Variants in KIF1A observed in about 807,000 individuals in gnomAD.
The protein encoded by KIF1A is kinesin-like protein KIF1A.
KIF1A carries 46 observed loss-of-function variants against 227.3 expected under a neutral mutation model. The observed-to-expected ratio is 0.20, with a 90% CI of 0.16 to 0.26. The LOEUF is 0.26. KIF1A is among the 10% of genes least tolerant of loss of function. The pLI is 1.00. For synonymous variants in KIF1A, 1,022 were observed against 1,012.8 expected (o/e 1.01, Z -0.17); for missense variants, 1,683 against 2,485.9 (o/e 0.68, Z 6.87).
intron 16 of KIF1A, 143 bp downstream of exon 16, chr2:240,769,484 C>A: frequency 1.4e-6 from 1 of 690,864 alleles, no homozygotes; most frequent in East Asian, 2.7e-5. Flanking sequence ...GATGAGGGAA[C>A]AGGTTTGCCC....
Position 240,790,934 on chromosome 2 carries a change from T to C in KIF1A, c.107-1622A>G, listed in dbSNP as rs576706456. Among the ~76,000 whole-genome samples the C allele has an allele frequency of 1.3e-5, 2 of 152,224 alleles. No homozygotes were observed. The highest frequency in any genetic ancestry group is 4.8e-5 in the African/African-American group (2 of 41,534). On this transcript the variant is annotated intron_variant, in intron 2 of 48. Coordinates refer to ENST00000498729, the MANE Select transcript of KIF1A (RefSeq NM_001244008.2). The surrounding 1 kb of genome is among the most constrained non-coding windows in gnomAD (Gnocchi z 5.0). ...TGTTTGCGGTGCTTCCTTATGGCAG[T>C]TCAGGGCACTGAGACCCCCTCTGGC...
intron 1 of KIF1A, among the ~76,000 whole-genome samples, chr2:240,809,260 T>A (rs1469627197): frequency 6.6e-6 from 1 of 152,148 alleles, no homozygotes; most frequent in Non-Finnish European, 1.5e-5. Flanking sequence ...GAGTAAGATG[T>A]TAAGAACATC....
rs2049317756 is a variant in KIF1A at position 240,752,325 on chromosome 2, C to T, written c.2859-1778G>A. Among the ~76,000 whole-genome samples the T allele has an allele frequency of 6.6e-6, 1 of 152,104 alleles. No homozygotes were observed. Among genetic ancestry groups the T allele is most frequent in the South Asian group, 2.1e-4 (1 of 4,824 alleles). On this transcript the variant is annotated intron_variant, in intron 27 of 48. Coordinates refer to ENST00000498729, the MANE Select transcript of KIF1A (RefSeq NM_001244008.2). The surrounding 1 kb of genome is among the most constrained non-coding windows in gnomAD (Gnocchi z 6.4). ...GTCCAGAAGCGCCCATGGAAGCTCA[C>T]CCTGGCCCTAGTCACGAGAGGACAC...
chr2:240,737,133 G>A lies in KIF1A; in HGVS notation c.3937C>T (p.Leu1313=), dbSNP rs2125718993. 6.2e-7 allele frequency: 1 copy of A among 1,613,786 alleles called. No homozygotes were observed. Among genetic ancestry groups the A allele is most frequent in the Non-Finnish European group, 8.5e-7 (1 of 1,179,730 alleles). ...AGAGACAAGATGTTGGGGTCGATCA[G>A]GGACTCGTCGGTCTCTGGAGTGTTT... ...IRNTPETDES[L]IDPNILSLNI... Residue 1313 remains leucine, a synonymous_variant, in exon 38 of 49, where the codon CTG becomes TTG. Transcript: ENST00000498729.
chr2:240,735,757 G>C (rs933407364), intron 38 of KIF1A, among the ~76,000 whole-genome samples: 3 of 152,144 alleles, frequency 2.0e-5, no homozygotes, highest in Non-Finnish European at 4.4e-5. Flanking sequence ...GGAGAAGCAA[G>C]GCACGGGGAA....
chr2:240,727,508 A>G (rs2046161176), intron 38 of KIF1A, among the ~76,000 whole-genome samples: 1 of 152,186 alleles, frequency 6.6e-6, no homozygotes, highest in African/African-American at 2.4e-5. Flanking sequence ...TCCTCTGACA[A>G]TGGACTCACC....
At chr2:240,750,377 G>C in intron 28 of KIF1A, 52 bp downstream of exon 28, 1 of 1,413,196 alleles carries the variant, frequency 7.1e-7, no homozygotes, top group Non-Finnish European at 1.0e-6. Flanking sequence ...GCAAAGGTCA[G>C]AGCCAGCCCC....
chr2:240,802,024 A>C (rs1019679869), intron 1 of KIF1A, among the ~76,000 whole-genome samples: 14 of 152,156 alleles, frequency 9.2e-5, no homozygotes, highest in African/African-American at 3.4e-4. Context: ...GACAAACAAG[A>C]AAGCCACACA....
intron 37 of KIF1A, among the ~76,000 whole-genome samples, chr2:240,738,910 G>T (rs2047652932): frequency 6.6e-6 from 1 of 152,228 alleles, no homozygotes; most frequent in South Asian, 2.1e-4. Flanking sequence ...GCTGCCCCAG[G>T]GATCGTTCCT....
At position 240,793,381 on chromosome 2, in the gene KIF1A, G is replaced by T. The variant is rs754142314; in HGVS notation, c.107-4069C>A. Among the ~76,000 whole-genome samples, 1 of 152,220 alleles carries T rather than the reference G, an allele frequency of 6.6e-6. No homozygotes were observed. Among genetic ancestry groups the T allele is most frequent in the Non-Finnish European group, 1.5e-5 (1 of 68,032 alleles). On this transcript the variant is annotated intron_variant, in intron 2 of 48. Coordinates refer to ENST00000498729, the MANE Select transcript of KIF1A (RefSeq NM_001244008.2). This position sits in a 1 kb window ranked among gnomAD's most constrained non-coding sequence, Gnocchi z 4.8. ...CCCAAAGGGATGCCCTCTAGCCAGT[G>T]TCACACAGCGAGTAAGTCATGAGCA... is the stretch of plus-strand genomic sequence containing the variant.
At chr2:240,747,945 G>A (rs564569691) in intron 28 of KIF1A, among the ~76,000 whole-genome samples, 2 of 152,250 alleles carry the variant, frequency 1.3e-5, no homozygotes, top group African/African-American at 4.8e-5. Flanking sequence ...AACTGACCTC[G>A]CCCGGGTCAC....
intron 5 of KIF1A, among the ~76,000 whole-genome samples, chr2:240,786,790 G>A (rs1450055835): frequency 2.3e-5 from 3 of 132,624 alleles, no homozygotes; most frequent in African/African-American, 4.0e-5. Context: ...CCCTGAGTGA[G>A]GGGGTGGGGG....
At chr2:240,751,604 C>T (rs1033810534) in intron 27 of KIF1A, among the ~76,000 whole-genome samples, 2 of 152,152 alleles carry the variant, frequency 1.3e-5, no homozygotes, top group Non-Finnish European at 2.9e-5. Flanking sequence ...CAAGAAGCCC[C>T]CCTCAACTGT....
chr2:240,788,969 G>A lies in KIF1A; in HGVS notation c.183+267C>T, dbSNP rs1023136407. 1.3e-5 allele frequency among the ~76,000 whole-genome samples: 2 copies of A among 152,110 alleles called. No homozygotes were observed. Among genetic ancestry groups the A allele is most frequent in the Admixed American group, 1.3e-4 (2 of 15,286 alleles). On this transcript the variant is annotated intron_variant, in intron 3 of 48. Coordinates refer to ENST00000498729, the MANE Select transcript of KIF1A (RefSeq NM_001244008.2). This position sits in a 1 kb window ranked among gnomAD's most constrained non-coding sequence, Gnocchi z 6.6. ...GCTTTGGGCATTCTGACTTTGGGAT[G>A]TCTGGGGGAAAAGTCACCAGCAGAT...
At chr2:240,800,806 GGGA>G (rs1458970360) in intron 1 of KIF1A, among the ~76,000 whole-genome samples, 1 of 152,210 alleles carries the variant, frequency 6.6e-6, no homozygotes, top group African/African-American at 2.4e-5. Context: ...AGGGTCCTCC[GGGA>G]GGAGAATACC....
At chr2:240,769,960 T>A (rs2051728447) in intron 15 of KIF1A, among the ~76,000 whole-genome samples, 1 of 152,194 alleles carries the variant, frequency 6.6e-6, no homozygotes, top group South Asian at 2.1e-4. Context: ...CCTGGGAGAT[T>A]CTGAGCCTCG....
intron 31 of KIF1A, 101 bp from the exon 32 acceptor site, chr2:240,745,618 C>G: frequency 6.7e-7 from 1 of 1,481,570 alleles, no homozygotes; most frequent in South Asian, 1.2e-5. Context: ...GCGTTCAGGG[C>G]CTGCGGGCTG....
At chr2:240,781,445 A>AG in intron 10 of KIF1A, among the ~76,000 whole-genome samples, 1 of 62,074 alleles carries the variant, frequency 1.6e-5, no homozygotes, top group Non-Finnish European at 3.0e-5. Flanking sequence ...ACACACACAC[A>AG]CACACACACA....
chr2:240,760,754 C>T lies in KIF1A; in HGVS notation c.2355G>A (p.Glu785=), dbSNP rs2050409125. 1 of 1,602,354 alleles carries T rather than the reference C, an allele frequency of 6.2e-7. No homozygotes were observed. Among genetic ancestry groups the T allele is most frequent in the Non-Finnish European group, 8.5e-7 (1 of 1,174,658 alleles). Residue 785 remains glutamate, a synonymous_variant, in exon 25 of 49, where the codon GAG becomes GAA. Transcript: ENST00000498729. ...CAATGGTGCGGGGGAAGGGCCGCGT[C>T]TCTCGGTCTTTGGCGGCCTCTGGGG... is the stretch of plus-strand genomic sequence containing the variant. ...LLPPEAAKDR[E]TRPFPRTIVA... is the part of the protein sequence containing the mutation.
Sources: allele counts gnomAD v4.1 joint callset (sites outside exome capture counted in the v4.1 genomes callset), GRCh38; gene constraint gnomAD v4.1.1; non-coding constraint Gnocchi (gnomAD v3.1); transcripts MANE v1.5; gene names NCBI Gene and HGNC (gene_info 2026-07-23, HGNC 2026-07-21).